Variants in GPRC5B observed in about 807,000 individuals in gnomAD.
GPRC5B encodes the protein G protein-coupled receptor class C group 5 member B.
In GPRC5B, 16 loss-of-function variants were observed where a neutral mutation model predicts 30.1. The ratio of observed to expected loss-of-function variants is 0.53; its 90% confidence interval spans 0.36 to 0.81. GPRC5B has a LOEUF of 0.81. Ranked by LOEUF, GPRC5B falls within the 30% of genes least tolerant of loss-of-function variation. The pLI is 0.01. For missense variants in GPRC5B, 428 were observed against 544.7 expected, an observed-to-expected ratio of 0.79 and a Z score of 2.13; for synonymous variants, 241 against 239.5, an observed-to-expected ratio of 1.01 and a Z score of -0.06.
Position 19,872,198 on chromosome 16 carries a change from C to T in GPRC5B, c.648G>A (p.Gly216=). The T allele has an allele frequency of 6.2e-7, 1 of 1,614,170 alleles. No homozygotes were observed. Among genetic ancestry groups the T allele is most frequent in the Non-Finnish European group, 8.5e-7 (1 of 1,180,024 alleles). Residue 216 remains glycine, a synonymous_variant, in exon 2 of 4, where the codon GGG becomes GGA. Coordinates refer to ENST00000300571, the MANE Select transcript of GPRC5B (RefSeq NM_016235.3). This position sits in a 1 kb window ranked among gnomAD's most constrained non-coding sequence, Gnocchi z 5.0. ...YDMVLLVVTL[G]LALFTLCGKF... is the part of the protein sequence containing the mutation. ...TGCCGCACAGAGTGAAGAGGGCCAGCCCCAGGGTGACCACAAGCAGTACCA... is the reference window on the plus strand; with the variant it reads ...TGCCGCACAGAGTGAAGAGGGCCAGTCCCAGGGTGACCACAAGCAGTACCA...
intron 3 of GPRC5B, 33 bp from the exon 4 acceptor site, chr16:19,860,577 A>T: frequency 6.7e-7 from 1 of 1,484,216 alleles, no homozygotes; most frequent in Non-Finnish European, 9.4e-7. Context: ...CACACTGAGA[A>T]CTCTGTGCTT....
chr16:19,885,567 G>A (rs946924546), upstream of GPRC5B: 21 of 1,075,898 alleles, frequency 2.0e-5, no homozygotes, highest in Non-Finnish European at 2.4e-5. The surrounding 1 kb of genome is among the most constrained non-coding windows in gnomAD (Gnocchi z 5.3). Flanking sequence ...TCCCTACGCA[G>A]GATCGCCACC....
rs1216486693 is a variant in GPRC5B at position 19,872,950 on chromosome 16, C to T, written c.-1-104G>A. 1.7e-5 allele frequency: 14 copies of T among 817,570 alleles called. No homozygotes were observed. In the Admixed American group the frequency reaches 2.7e-4, roughly 16 times the overall value. 50.6% of individuals were successfully genotyped at this position (817,570 alleles called of 1,614,324 possible). Reference sequence around the variant, plus strand: ...GAAGAAGACTCGCCTCATTTCAAACCTGCAAGCGCACACGGCACCTTTGCA... The same window carrying T: ...GAAGAAGACTCGCCTCATTTCAAACTTGCAAGCGCACACGGCACCTTTGCA... On this transcript the variant is annotated intron_variant, in intron 1 of 3. Transcript: ENST00000300571. This position sits in a 1 kb window ranked among gnomAD's most constrained non-coding sequence, Gnocchi z 5.0.
chr16:19,884,292 C>A (rs1263219891), intron 1 of GPRC5B, among the ~76,000 whole-genome samples: 1 of 151,242 alleles, frequency 6.6e-6, no homozygotes, highest in Non-Finnish European at 1.5e-5. Context: ...CTTGTGCCCC[C>A]GGCTGCGTCT....
intron 1 of GPRC5B, among the ~76,000 whole-genome samples, chr16:19,879,454 C>T (rs2056786290): frequency 2.6e-5 from 4 of 152,074 alleles, no homozygotes; most frequent in South Asian, 4.2e-4. Context: ...CACACACACA[C>T]GCGCATGCAC....
In GPRC5B at chr16:19,858,725, C is replaced by G; in HGVS notation, c.*1775G>C. 1 of 455,586 alleles carries G rather than the reference C, an allele frequency of 2.2e-6. No homozygotes were observed. Among genetic ancestry groups the G allele is most frequent in the Non-Finnish European group, 3.9e-6 (1 of 258,966 alleles). The allele number at this position is 455,586 out of a possible 1,614,324, so 28.2% of individuals were successfully genotyped here. Reference sequence around the variant, plus strand: ...CTTACGTTTTCTGTCCACGCAATGACTGGAACGGGATTCTCTAGAAGCAAG... The same window carrying G: ...CTTACGTTTTCTGTCCACGCAATGAGTGGAACGGGATTCTCTAGAAGCAAG... On this transcript the variant is annotated 3_prime_UTR_variant, in exon 4 of 4. Transcript: ENST00000300571.
rs529309766 is a variant in GPRC5B at position 19,869,339 on chromosome 16, A to G, written c.1030+2477T>C. ...ACAGAGTGAGACTCTGCCTCAAAAA[A>G]AAAAAAAAAAAAAAGACAGATTCAC... On this transcript the variant is annotated intron_variant, in intron 2 of 3. Transcript: ENST00000300571. Among the ~76,000 whole-genome samples the G allele has an allele frequency of 2.0e-5, 3 of 151,442 alleles. No individual in the cohort carries two copies. In the South Asian group the frequency reaches 6.2e-4, roughly 31 times the overall value.
At chr16:19,883,957 C>T (rs2056829118) in intron 1 of GPRC5B, among the ~76,000 whole-genome samples, 1 of 152,136 alleles carries the variant, frequency 6.6e-6, no homozygotes, top group African/African-American at 2.4e-5. Context: ...TGTGTGGGGT[C>T]CTTGTGGGGC....
At position 19,857,866 on chromosome 16, in the gene GPRC5B, C is replaced by T. The variant is rs1483053225; in HGVS notation, c.*2634G>A. On this transcript the variant is annotated 3_prime_UTR_variant, in exon 4 of 4. Coordinates refer to ENST00000300571, the MANE Select transcript of GPRC5B (RefSeq NM_016235.3). ...GTAAGCTGTCAGAGCTGACTCCCTT[C>T]TCTTCCCACCCTCCACCTCCAGTGG... 6.5e-6 allele frequency: 1 copy of T among 153,524 alleles called. No individual in the cohort carries two copies. Among genetic ancestry groups the T allele is most frequent in the Admixed American group, 6.5e-5 (1 of 15,304 alleles). 9.5% of individuals were successfully genotyped at this position (153,524 alleles called of 1,614,324 possible).
chr16:19,860,712 G>T (rs542188869), intron 3 of GPRC5B, among the ~76,000 whole-genome samples, 168 bp from the exon 4 acceptor site: 4 of 152,190 alleles, frequency 2.6e-5, no homozygotes. Flanking sequence ...TGCTGCTGTG[G>T]TTCTTGGGAA....
intron 2 of GPRC5B, among the ~76,000 whole-genome samples, chr16:19,863,567 G>C (rs140520405): frequency 5.4e-5 from 8 of 147,926 alleles, no homozygotes; most frequent in Admixed American, 1.4e-4. Context: ...GTGCAATCTC[G>C]GCTCACTGCA....
rs1191966758 is a variant in GPRC5B at position 19,872,510 on chromosome 16, G to A, written c.336C>T (p.Ala112=). ...GTLGLFGLTF[A]FIIQEDETIC... is the part of the protein sequence containing the mutation. ...TGGTCTCGTCCTCCTGGATGATGAA[G>A]GCAAACGTCAGCCCAAAGAGGCCCA... is the stretch of plus-strand genomic sequence containing the variant. Residue 112 remains alanine, a synonymous_variant, in exon 2 of 4, where the codon GCC becomes GCT. Transcript: ENST00000300571. This position sits in a 1 kb window ranked among gnomAD's most constrained non-coding sequence, Gnocchi z 5.0. The A allele has an allele frequency of 2.5e-6, 4 of 1,613,890 alleles. No individual in the cohort carries two copies. Among genetic ancestry groups the A allele is most frequent in the Admixed American group, 3.3e-5 (2 of 60,000 alleles).
intron 1 of GPRC5B, among the ~76,000 whole-genome samples, chr16:19,879,422 ACACACACAC>A (rs200745676): frequency 0.024 from 3,602 of 152,104 alleles, 128 homozygotes; most frequent in African/African-American, 0.083. Context: ...TCTCACACAC[ACACACACAC>A]CACACACACA....
intron 2 of GPRC5B, among the ~76,000 whole-genome samples, chr16:19,865,984 C>T (rs181746863): frequency 5.3e-4 from 80 of 152,264 alleles, no homozygotes; most frequent in Admixed American, 1.0e-3. Context: ...GGCTGGAGTG[C>T]GGTGGCGTGA....
chr16:19,863,523 A>C (rs1355110144), intron 2 of GPRC5B, among the ~76,000 whole-genome samples: 1 of 130,448 alleles, frequency 7.7e-6, no homozygotes, highest in Non-Finnish European at 1.6e-5. Flanking sequence ...TTGAGACAAG[A>C]GTCTCGCTCT....
Position 19,857,765 on chromosome 16 carries a change from A to G in GPRC5B, c.*2735T>C. 1 of 150,848 alleles carries G rather than the reference A, an allele frequency of 6.6e-6. No homozygotes were observed. Among genetic ancestry groups the G allele is most frequent in the South Asian group, 2.0e-4 (1 of 5,000 alleles). 9.3% of individuals were successfully genotyped at this position (150,848 alleles called of 1,614,324 possible). A position where few individuals can be genotyped will look rare whatever the true frequency, so the allele number is the denominator to read the frequency against. On this transcript the variant is annotated 3_prime_UTR_variant, in exon 4 of 4. Transcript: ENST00000300571. Reference sequence around the variant, plus strand: ...TGGGCTAAAAAAAAAAAAAAAAAAAAGCACTGGGCGCCCAGCTTCCAACAA... The same window carrying G: ...TGGGCTAAAAAAAAAAAAAAAAAAAGGCACTGGGCGCCCAGCTTCCAACAA...
chr16:19,866,927 C>T (rs563504509), intron 2 of GPRC5B, among the ~76,000 whole-genome samples: 14 of 152,318 alleles, frequency 9.2e-5, no homozygotes, highest in African/African-American at 3.1e-4. Flanking sequence ...TCTGCTGACA[C>T]CAACCTGGGT....
chr16:19,881,307 C>G (rs2056805320), intron 1 of GPRC5B, among the ~76,000 whole-genome samples: 1 of 152,176 alleles, frequency 6.6e-6, no homozygotes, highest in South Asian at 2.1e-4. Flanking sequence ...GGCGTGATGG[C>G]TCATGCCTGT....
intron 1 of GPRC5B, among the ~76,000 whole-genome samples, chr16:19,878,801 C>G (rs1187713212): frequency 6.6e-6 from 1 of 152,112 alleles, no homozygotes; most frequent in Non-Finnish European, 1.5e-5. Context: ...GTTCTCATTC[C>G]CATTTATAGA....
Sources: allele counts gnomAD v4.1 joint callset (sites outside exome capture counted in the v4.1 genomes callset), GRCh38; gene constraint gnomAD v4.1.1; non-coding constraint Gnocchi (gnomAD v3.1); transcripts MANE v1.5; gene names NCBI Gene and HGNC (gene_info 2026-07-23, HGNC 2026-07-21).